The following KIF26B variants were observed in gnomAD, a reference collection of about 807,000 sequenced individuals.
The protein encoded by KIF26B is kinesin-like protein KIF26B.
Under a neutral mutation model 151.2 loss-of-function variants are expected in KIF26B, and 63 were observed. That is an observed-to-expected ratio of 0.42 (90% CI 0.34 to 0.51). The LOEUF (loss-of-function observed/expected upper bound fraction) is 0.51, where lower values mean the gene tolerates loss of function less well. KIF26B is among the 20% of genes least tolerant of loss of function. The probability of loss-of-function intolerance (pLI) is 0.07; values close to 1 mark genes in which losing one functional copy is unlikely to be tolerated. For missense variants in KIF26B, 2,813 were observed against 2,913.6 expected (o/e 0.97, Z 0.79); for synonymous variants, 1,357 against 1,262.1 (o/e 1.08, Z -1.59).
intron 5 of KIF26B, among the ~76,000 whole-genome samples, chr1:245,590,198 A>G (rs1267521954): frequency 6.6e-6 from 1 of 151,632 alleles, no homozygotes; most frequent in Non-Finnish European, 1.5e-5. Flanking sequence ...GGAAGCACAA[A>G]CCACCCGGCG....
intron 2 of KIF26B, among the ~76,000 whole-genome samples, chr1:245,361,917 G>A (rs944796736): frequency 1.2e-4 from 18 of 151,826 alleles, no homozygotes; most frequent in African/African-American, 4.3e-4. Flanking sequence ...CCTTGAGGGT[G>A]GTGACTTCCC....
At position 245,540,022 on chromosome 1, in the gene KIF26B, A is replaced by G. The variant is rs1214637271; in HGVS notation, c.1167-745A>G. Reference sequence around the variant, plus strand: ...CGATGTCATTGGAACAGCCTATGTTATTAATGATGCCGGCAGCCTCCCCTC... The same window carrying G: ...CGATGTCATTGGAACAGCCTATGTTGTTAATGATGCCGGCAGCCTCCCCTC... On this transcript the variant is annotated intron_variant, in intron 4 of 14. Transcript: ENST00000407071. The surrounding 1 kb of genome is among the most constrained non-coding windows in gnomAD (Gnocchi z 4.6). Among the ~76,000 whole-genome samples the G allele has an allele frequency of 1.3e-5, 2 of 152,174 alleles. No homozygotes were observed. The highest frequency in any genetic ancestry group is 2.9e-5 in the Non-Finnish European group (2 of 68,022).
chr1:245,182,771 G>A (rs1166104106), intron 2 of KIF26B, among the ~76,000 whole-genome samples: 2 of 152,128 alleles, frequency 1.3e-5, no homozygotes, highest in Non-Finnish European at 2.9e-5. Context: ...GAGTAGCTGG[G>A]ATTACAGGCA....
chr1:245,252,226 A>G (rs992718815), intron 2 of KIF26B, among the ~76,000 whole-genome samples: 1 of 151,764 alleles, frequency 6.6e-6, no homozygotes, highest in Non-Finnish European at 1.5e-5. Flanking sequence ...CAATGAGTCA[A>G]GATTGCACCT....
chr1:245,286,713 C>T (rs1473979822), intron 2 of KIF26B, among the ~76,000 whole-genome samples: 1 of 152,122 alleles, frequency 6.6e-6, no homozygotes, highest in Non-Finnish European at 1.5e-5. Flanking sequence ...TAGGTGGTGG[C>T]TATTCATAAA....
chr1:245,456,215 T>A (rs1301771585), intron 4 of KIF26B, among the ~76,000 whole-genome samples: 1 of 152,218 alleles, frequency 6.6e-6, no homozygotes, highest in Non-Finnish European at 1.5e-5. Context: ...TAAATATCCG[T>A]GAAGACTCTA....
intron 2 of KIF26B, among the ~76,000 whole-genome samples, chr1:245,206,212 G>A (rs1450503053): frequency 2.0e-5 from 3 of 152,170 alleles, no homozygotes; most frequent in Admixed American, 6.5e-5. Flanking sequence ...AAGGCTTAAA[G>A]CATAACTCTG....
chr1:245,570,957 A>T (rs1256144280), intron 5 of KIF26B, among the ~76,000 whole-genome samples: 1 of 152,204 alleles, frequency 6.6e-6, no homozygotes, highest in East Asian at 1.9e-4. Context: ...CAAATCTAAC[A>T]TGTTAAAATC....
At chr1:245,517,517 C>T (rs992806538) in intron 4 of KIF26B, among the ~76,000 whole-genome samples, 1 of 152,142 alleles carries the variant, frequency 6.6e-6, no homozygotes, top group African/African-American at 2.4e-5. Context: ...AAATAGAGAC[C>T]TGTAGACCAA....
At chr1:245,462,022 A>T (rs1179746706) in intron 4 of KIF26B, among the ~76,000 whole-genome samples, 1 of 152,076 alleles carries the variant, frequency 6.6e-6, no homozygotes, top group Non-Finnish European at 1.5e-5. Context: ...AGTCCCAGGT[A>T]CTCAGGAGGC....
chr1:245,522,641 C>T (rs775793370), intron 4 of KIF26B, among the ~76,000 whole-genome samples: 20 of 152,188 alleles, frequency 1.3e-4, no homozygotes, highest in Non-Finnish European at 1.9e-4. Context: ...TGGAAGACCC[C>T]AGTTTATCAG....
At chr1:245,496,671 A>G (rs772832067) in intron 4 of KIF26B, among the ~76,000 whole-genome samples, 2 of 152,196 alleles carry the variant, frequency 1.3e-5, no homozygotes, top group Non-Finnish European at 2.9e-5. Flanking sequence ...CAACTGTAAG[A>G]TGGTAGCTAT....
At chr1:245,452,910 T>C (rs1240825574) in intron 4 of KIF26B, among the ~76,000 whole-genome samples, 1 of 152,188 alleles carries the variant, frequency 6.6e-6, no homozygotes, top group Non-Finnish European at 1.5e-5. Context: ...ATAATGTCCT[T>C]TGGTGCACAA....
At position 245,525,124 on chromosome 1, in the gene KIF26B, AT is replaced by A. The variant is rs1387739174; in HGVS notation, c.1167-15642del. Among the ~76,000 whole-genome samples the A allele has an allele frequency of 2.6e-5, 4 of 152,082 alleles. No homozygotes were observed. In the East Asian group the frequency reaches 7.7e-4, roughly 29 times the overall value. ...TCCCTGGGTCATCTCATCCACTCTCATAACTCCAGCTGCCAGCTTCATGCAG... is the reference window on the plus strand; with the variant it reads ...TCCCTGGGTCATCTCATCCACTCTCAAACTCCAGCTGCCAGCTTCATGCAG... On this transcript the variant is annotated intron_variant, in intron 4 of 14. Transcript: ENST00000407071.
chr1:245,465,079 C>A (rs12354186), intron 4 of KIF26B, among the ~76,000 whole-genome samples: 115,542 of 141,432 alleles, frequency 0.82, 47,649 homozygotes, highest in African/African-American at 0.9. Context: ...CCCGGGTTCA[C>A]GCCATTCTCC....
chr1:245,300,703 GT>G (rs1558380591), intron 2 of KIF26B, among the ~76,000 whole-genome samples: 2 of 148,250 alleles, frequency 1.3e-5, no homozygotes, highest in African/African-American at 5.0e-5. Flanking sequence ...TAATTTTTGT[GT>G]TTTTAGTAGA....
At position 245,686,692 on chromosome 1, in the gene KIF26B, G is replaced by A. The variant is rs373821184; in HGVS notation, c.3709G>A (p.Glu1237Lys). Residue 1237 changes from glutamate (E) to lysine (K), a missense_variant, in exon 12 of 15, where the codon GAG becomes AAG. This residue lies in a region of KIF26B where 2,060 missense variants were observed against 2,088.6 expected (regional missense o/e 0.99). Coordinates refer to ENST00000407071, the MANE Select transcript of KIF26B (RefSeq NM_018012.4). This position sits in a 1 kb window ranked among gnomAD's most constrained non-coding sequence, Gnocchi z 5.6. ...CGTCAGCATCATCAGCAGCATCAGC[G>A]AGGACCTGGAGTGCTACTCCAGCAC... ...RPVSIISSIS[E>K]DLECYSSTAP... 2.8e-5 allele frequency: 45 copies of A among 1,612,696 alleles called. No individual in the cohort carries two copies. The highest frequency in any genetic ancestry group is 3.4e-5 in the Non-Finnish European group (40 of 1,179,530).
chr1:245,157,426 C>T (rs1467585859), intron 2 of KIF26B, among the ~76,000 whole-genome samples: 1 of 152,206 alleles, frequency 6.6e-6, no homozygotes, highest in Non-Finnish European at 1.5e-5. Context: ...GGTTAGAGAG[C>T]AATATCAAGG....
At chr1:245,455,601 T>G (rs577419939) in intron 4 of KIF26B, among the ~76,000 whole-genome samples, 1 of 152,352 alleles carries the variant, frequency 6.6e-6, no homozygotes, top group South Asian at 2.1e-4. Flanking sequence ...AAGGTGACGA[T>G]GCCAAGAGAA....
Sources: gnomAD v4.1 joint callset for allele counts (sites outside exome capture counted in the v4.1 genomes callset) on GRCh38, gnomAD v4.1.1 for gene constraint, gnomAD v4.1.1 regional missense constraint, Gnocchi (gnomAD v3.1) non-coding constraint, MANE v1.5 for transcripts, NCBI Gene and HGNC (gene_info 2026-07-23, HGNC 2026-07-21) for gene names.